The following UBR7 variants were observed in gnomAD, a reference collection of about 807,000 sequenced individuals.
The protein encoded by UBR7 is putative E3 ubiquitin-protein ligase UBR7.
In UBR7, 22 loss-of-function variants were observed where a neutral mutation model predicts 57.0. That is an observed-to-expected ratio of 0.39 (90% CI 0.28 to 0.55). The LOEUF is 0.55. Among genes scored for constraint, UBR7 ranks in the 20% least tolerant of loss-of-function variants. UBR7 has a pLI of 0.69. For missense variants in UBR7, 395 were observed against 513.2 expected, an observed-to-expected ratio of 0.77 and a Z score of 2.23; for synonymous variants, 167 against 179.8, an observed-to-expected ratio of 0.93 and a Z score of 0.57.
At chr14:93,220,500 T>A in intron 9 of UBR7, 89 bp downstream of exon 9, 1 of 1,470,350 alleles carries the variant, frequency 6.8e-7, no homozygotes, top group Non-Finnish European at 9.3e-7. Flanking sequence ...ATTTTTAATT[T>A]AATACAAAGA....
chr14:93,222,645 A>G (rs560728625), intron 10 of UBR7, among the ~76,000 whole-genome samples: 48 of 152,094 alleles, frequency 3.2e-4, no homozygotes, highest in African/African-American at 1.1e-3. Context: ...AGGGAGGCTG[A>G]GGCAGGAGAC....
At chr14:93,223,490 T>G in intron 10 of UBR7, 1 of 566,642 alleles carries the variant, frequency 1.8e-6, no homozygotes, top group South Asian at 2.1e-5. Context: ...TCTTAGAAGA[T>G]GTCATCTCTG....
At chr14:93,226,301 TTTCC>T (rs1894847323) in intron 10 of UBR7, among the ~76,000 whole-genome samples, 1 of 152,198 alleles carries the variant, frequency 6.6e-6, no homozygotes, top group South Asian at 2.1e-4. Flanking sequence ...TTTCCTTCAC[TTTCC>T]TTGTCTCACT....
Position 93,227,190 on chromosome 14 carries a change from GT to G in UBR7, c.*156del. 1.5e-6 allele frequency: 1 copy of G among 650,292 alleles called. No homozygotes were observed. The highest frequency in any genetic ancestry group is 2.8e-6 in the Non-Finnish European group (1 of 355,154). 40.3% of individuals were successfully genotyped at this position (650,292 alleles called of 1,614,324 possible). A position where few individuals can be genotyped will look rare whatever the true frequency, so the allele number is the denominator to read the frequency against. ...ATTCTCTTTAGCTGCAGTAGCCACC[GT>G]GTGGATGCTGACTTCACAGCCAGCG... On this transcript the variant is annotated 3_prime_UTR_variant, in exon 11 of 11. Coordinates refer to ENST00000013070, the MANE Select transcript of UBR7 (RefSeq NM_175748.4).
chr14:93,214,542 G>A (rs1894553358), intron 4 of UBR7, among the ~76,000 whole-genome samples: 1 of 152,200 alleles, frequency 6.6e-6, no homozygotes, highest in Non-Finnish European at 1.5e-5. Context: ...CAGCAGAAAG[G>A]CATTGTCTAA....
chr14:93,208,465 TAA>T (rs202105336), intron 1 of UBR7, among the ~76,000 whole-genome samples: 13 of 141,166 alleles, frequency 9.2e-5, no homozygotes, highest in Admixed American at 7.1e-5. Context: ...CTGCTTTACT[TAA>T]AAAAAAAAAA....
chr14:93,211,121 G>A (rs943685100), intron 3 of UBR7, among the ~76,000 whole-genome samples: 21 of 151,972 alleles, frequency 1.4e-4, no homozygotes, highest in East Asian at 1.9e-4. Flanking sequence ...TCATCTACTC[G>A]GTCAGCTACT....
intron 4 of UBR7, among the ~76,000 whole-genome samples, chr14:93,212,400 C>A (rs1382100335): frequency 1.3e-5 from 2 of 152,186 alleles, no homozygotes; most frequent in African/African-American, 2.4e-5. Flanking sequence ...ACTGCCTCCC[C>A]CAGTCCCCAA....
intron 2 of UBR7, among the ~76,000 whole-genome samples, chr14:93,210,247 C>T (rs1894455006): frequency 6.6e-6 from 1 of 152,066 alleles, no homozygotes; most frequent in Non-Finnish European, 1.5e-5. Flanking sequence ...CCACGCCCAG[C>T]TAATTTTTTG....
intron 4 of UBR7, among the ~76,000 whole-genome samples, chr14:93,212,761 C>A (rs1413153390): frequency 1.3e-5 from 2 of 152,100 alleles, no homozygotes; most frequent in Admixed American, 6.6e-5. Flanking sequence ...AACACACTTA[C>A]CCCCTTCTAA....
chr14:93,209,795 A>G, intron 1 of UBR7, 29 bp from the exon 2 acceptor site: 1 of 1,611,780 alleles, frequency 6.2e-7, no homozygotes, highest in Non-Finnish European at 8.5e-7. Context: ...TACTACATTA[A>G]TTCTCTTTTC....
rs149966137 is a variant in UBR7, at chr14:93,226,618, G to A, written c.1186-325G>A. 2.3e-3 allele frequency among the ~76,000 whole-genome samples: 356 copies of A among 151,966 alleles called. 4 individuals carry two copies. Among genetic ancestry groups the A allele is most frequent in the African/African-American group, 7.8e-3 (325 of 41,464 alleles). ...ATCCTGGCTAACACGGTGAAACCCC[G>A]TCTCTACTAAAAATACAAAAAAAAA... On this transcript the variant is annotated intron_variant, in intron 10 of 10. Transcript: ENST00000013070.
chr14:93,226,271 G>A (rs1391328994), intron 10 of UBR7, among the ~76,000 whole-genome samples: 3 of 151,934 alleles, frequency 2.0e-5, no homozygotes, highest in Non-Finnish European at 2.9e-5. Context: ...ATTCATTCAC[G>A]TGCTCTATTT....
intron 1 of UBR7, among the ~76,000 whole-genome samples, chr14:93,208,720 C>T (rs963519717): frequency 4.6e-5 from 7 of 152,048 alleles, no homozygotes; most frequent in Non-Finnish European, 1.0e-4. Flanking sequence ...GAAATAGAAC[C>T]TTACTGGCAT....
intron 10 of UBR7, among the ~76,000 whole-genome samples, chr14:93,225,785 C>CT (rs1894837417): frequency 6.6e-6 from 1 of 152,218 alleles, no homozygotes; most frequent in South Asian, 2.1e-4. Flanking sequence ...AAACCAAAAG[C>CT]TGCACAGTCT....
chr14:93,228,912 G>T lies in UBR7; in HGVS notation c.*1877G>T, dbSNP rs754737810. 4.4e-6 allele frequency: 2 copies of T among 453,964 alleles called. No individual in the cohort carries two copies. The highest frequency in any genetic ancestry group is 4.0e-5 in the African/African-American group (2 of 49,990). 28.1% of individuals were successfully genotyped at this position (453,964 alleles called of 1,614,324 possible). A position where few individuals can be genotyped will look rare whatever the true frequency, so the allele number is the denominator to read the frequency against. On this transcript the variant is annotated 3_prime_UTR_variant, in exon 11 of 11. Coordinates refer to ENST00000013070, the MANE Select transcript of UBR7 (RefSeq NM_175748.4). ...AATAGTACCGATCAGTTAACTCAGC[G>T]CTGAAGGGCTTGTTTTATGAAAGGT...
intron 3 of UBR7, among the ~76,000 whole-genome samples, chr14:93,211,153 T>C (rs1894473455): frequency 6.6e-6 from 1 of 151,970 alleles, no homozygotes; most frequent in South Asian, 2.1e-4. Context: ...GGCAGGAGAA[T>C]TGCTTGAACC....
At chr14:93,213,084 G>C (rs1299705831) in intron 4 of UBR7, among the ~76,000 whole-genome samples, 1 of 152,104 alleles carries the variant, frequency 6.6e-6, no homozygotes, top group Non-Finnish European at 1.5e-5. Context: ...GTTGCAGTAA[G>C]CTGGGATTGC....
intron 4 of UBR7, among the ~76,000 whole-genome samples, chr14:93,213,345 T>C (rs1455233403): frequency 1.3e-5 from 2 of 151,550 alleles, no homozygotes; most frequent in Non-Finnish European, 2.9e-5. Flanking sequence ...TCTCGCTCTG[T>C]CACCCAGGCT....
Sources: allele counts gnomAD v4.1 joint callset (sites outside exome capture counted in the v4.1 genomes callset), GRCh38; gene constraint gnomAD v4.1.1; transcripts MANE v1.5; gene names NCBI Gene and HGNC (gene_info 2026-07-23, HGNC 2026-07-21).